The following GSE1 variants were observed in gnomAD, a reference collection of about 807,000 sequenced individuals.
GSE1 encodes Gse1 coiled-coil protein, also known as genetic suppressor element 1.
Under a neutral mutation model 112.6 loss-of-function variants are expected in GSE1, and 32 were observed. That is an observed-to-expected ratio of 0.28 (90% CI 0.21 to 0.38). The LOEUF (loss-of-function observed/expected upper bound fraction) is 0.38, where lower values mean the gene tolerates loss of function less well. Among genes scored for constraint, GSE1 ranks in the 10% least tolerant of loss-of-function variants. The pLI is 1.00. For missense variants in GSE1, 2,348 were observed against 1,699.2 expected (o/e 1.38, Z -6.71); for synonymous variants, 1,115 against 735.6 (o/e 1.52, Z -8.35).
intron 1 of GSE1, among the ~76,000 whole-genome samples, chr16:85,331,375 A>ATATATATGTATATATATGTATATATATG (rs1567692600): frequency 7.4e-6 from 1 of 134,398 alleles, no homozygotes; most frequent in African/African-American, 2.7e-5. Flanking sequence ...GTATATATGT[A>ATATATATGTATATATATGTATATATATG]TATATATGTA....
chr16:85,318,276 G>A (rs2046027514), intron 1 of GSE1, among the ~76,000 whole-genome samples: 1 of 152,066 alleles, frequency 6.6e-6, no homozygotes. Flanking sequence ...CCTTTTTTTG[G>A]ATGGGGGGAT....
At chr16:85,473,805 G>A (rs1461489754) in intron 2 of GSE1, among the ~76,000 whole-genome samples, 1 of 152,106 alleles carries the variant, frequency 6.6e-6, no homozygotes, top group African/African-American at 2.4e-5. Context: ...CAGCACTACA[G>A]GAGGACAGCA....
intron 2 of GSE1, among the ~76,000 whole-genome samples, chr16:85,439,766 C>T (rs1041741362): frequency 2.0e-5 from 3 of 152,144 alleles, no homozygotes; most frequent in Admixed American, 6.5e-5. Flanking sequence ...CACACAGACA[C>T]ACACACAAAA....
chr16:85,274,698 G>A (rs745569550), intron 1 of GSE1, among the ~76,000 whole-genome samples: 28 of 152,212 alleles, frequency 1.8e-4, no homozygotes, highest in Non-Finnish European at 4.0e-4. Flanking sequence ...TCCCCCTCTC[G>A]CCAGTGGGAG....
chr16:85,382,713 A>G lies in GSE1; in HGVS notation c.2464+25070A>G, dbSNP rs552786077. Among the ~76,000 whole-genome samples the G allele has an allele frequency of 6.2e-3, 940 of 151,200 alleles. 7 individuals carry two copies. Among genetic ancestry groups the G allele is most frequent in the African/African-American group, 0.022 (899 of 41,372 alleles). The stretch of plus-strand genomic sequence containing the variant: ...CCATCAAGAGCATGGCACCTCACAC[A>G]TGCACACACACACACAGCCATGTGC... On this transcript the variant is annotated intron_variant, in intron 2 of 2. Transcript: ENST00000637419.
intron 1 of GSE1, among the ~76,000 whole-genome samples, chr16:85,205,418 C>T (rs1210757596): frequency 6.6e-6 from 1 of 152,226 alleles, no homozygotes; most frequent in Non-Finnish European, 1.5e-5. Context: ...AGGCATGAGC[C>T]ACCGCGCCCA....
chr16:85,169,907 G>T, exon 1 of GSE1: 1 of 984,396 alleles, frequency 1.0e-6, no homozygotes, highest in Non-Finnish European at 1.2e-6. Flanking sequence ...GCAGGCGGCC[G>T]CCGTGGCGGC....
chr16:85,534,100 T>C (rs1323664104), intron 2 of GSE1, among the ~76,000 whole-genome samples: 1 of 149,898 alleles, frequency 6.7e-6, no homozygotes, highest in Non-Finnish European at 1.5e-5. Context: ...TTTACATCCC[T>C]TTAGGCTAGT....
chr16:85,208,297 C>T (rs2075155826), intron 1 of GSE1, among the ~76,000 whole-genome samples: 1 of 152,134 alleles, frequency 6.6e-6, no homozygotes, highest in Non-Finnish European at 1.5e-5. Flanking sequence ...ACGTCGCTGG[C>T]GGAAGGAATC....
intron 1 of GSE1, among the ~76,000 whole-genome samples, chr16:85,290,267 G>C (rs1054374045): frequency 2.0e-5 from 3 of 152,206 alleles, no homozygotes; most frequent in African/African-American, 7.2e-5. Context: ...TGCCTCAGCA[G>C]ACCCGGGCCC....
chr16:85,564,208 AAGC>A (rs2045642285), intron 1 of GSE1, among the ~76,000 whole-genome samples: 2 of 152,204 alleles, frequency 1.3e-5, no homozygotes, highest in South Asian at 4.1e-4. Flanking sequence ...GTGGCACTAA[AAGC>A]AGGCTTTGGA....
At chr16:85,398,719 G>C (rs747795632) in intron 2 of GSE1, among the ~76,000 whole-genome samples, 3 of 152,180 alleles carry the variant, frequency 2.0e-5, no homozygotes, top group Admixed American at 6.5e-5. Context: ...AGCCAGGAGA[G>C]AGAATGTAAC....
chr16:85,225,123 TAAAA>T (rs891412921), intron 1 of GSE1, among the ~76,000 whole-genome samples: 2 of 144,388 alleles, frequency 1.4e-5, no homozygotes, highest in Non-Finnish European at 3.1e-5. Flanking sequence ...GATTCCCTCT[TAAAA>T]AAAAAAAAGA....
chr16:85,235,692 C>A (rs1048332573), intron 1 of GSE1, among the ~76,000 whole-genome samples: 1 of 151,638 alleles, frequency 6.6e-6, no homozygotes, highest in African/African-American at 2.4e-5. Context: ...TCCCCCAGAC[C>A]ATTGGGTGGC....
intron 1 of GSE1, among the ~76,000 whole-genome samples, chr16:85,566,172 G>A (rs1179530690): frequency 6.6e-6 from 1 of 152,214 alleles, no homozygotes; most frequent in Non-Finnish European, 1.5e-5. Context: ...GCTCCCAGCT[G>A]TCATGCTCCC....
chr16:85,318,218 G>A (rs2046026262), intron 1 of GSE1, among the ~76,000 whole-genome samples: 1 of 152,214 alleles, frequency 6.6e-6, no homozygotes, highest in Non-Finnish European at 1.5e-5. Flanking sequence ...GTTTGGCTGT[G>A]TCTGGAAGAT....
rs897239447 is a variant in GSE1 at position 85,577,088 on chromosome 16, G to C, written c.37+20725G>C. ...GTCAGGACTTGGGTCCTGGAGGTGA[G>C]CTGACCTTCCCCGGGCACCCGGCCA... On this transcript the variant is annotated intron_variant, in intron 1 of 2. Transcript: ENST00000635906. 5.3e-5 allele frequency among the ~76,000 whole-genome samples: 8 copies of C among 151,514 alleles called. 1 individual carries two copies. The highest frequency in any genetic ancestry group is 1.9e-4 in the African/African-American group (8 of 41,044).
intron 2 of GSE1, among the ~76,000 whole-genome samples, chr16:85,504,691 A>G (rs1458054609): frequency 6.6e-6 from 1 of 152,244 alleles, no homozygotes; most frequent in Non-Finnish European, 1.5e-5. Context: ...TTAGATAAAT[A>G]TTAAGTAAAT....
chr16:85,328,750 A>G (rs2046277440), intron 1 of GSE1, among the ~76,000 whole-genome samples: 2 of 152,022 alleles, frequency 1.3e-5, no homozygotes, highest in Middle Eastern at 3.2e-3. Context: ...CCGGGTCCTC[A>G]CAGGTTCCGC....
Sources: allele counts gnomAD v4.1 joint callset (sites outside exome capture counted in the v4.1 genomes callset), GRCh38; gene constraint gnomAD v4.1.1; transcripts MANE v1.5; gene names NCBI Gene and HGNC (gene_info 2026-07-23, HGNC 2026-07-21).